Variants in IGBP1 observed in about 807,000 individuals in gnomAD.
IGBP1 encodes the protein immunoglobulin binding protein 1.
IGBP1 carries 2 observed loss-of-function variants against 25.9 expected under a neutral mutation model. That is an observed-to-expected ratio of 0.08 (90% CI 0.03 to 0.24). The LOEUF is 0.24. Ranked by LOEUF, IGBP1 falls within the 10% of genes least tolerant of loss-of-function variation. The pLI is 1.00. For missense variants in IGBP1, 187 were observed against 260.4 expected (o/e 0.72, Z 1.94); for synonymous variants, 96 against 93.4 (o/e 1.03, Z -0.16).
chrX:70,144,588 G>A (rs1372167726), intron 3 of IGBP1, among the ~76,000 whole-genome samples: 1 of 106,606 alleles, frequency 9.4e-6, no homozygotes, highest in African/African-American at 3.4e-5. Context: ...CACTTGTTAG[G>A]TAAAAGGAAC....
At chrX:70,161,331 C>T (rs1225766188) in intron 6 of IGBP1, among the ~76,000 whole-genome samples, 3 of 111,634 alleles carry the variant, frequency 2.7e-5, no homozygotes, top group African/African-American at 9.8e-5. Flanking sequence ...CTGGCCAATT[C>T]GGTTTCACAG....
intron 4 of IGBP1, among the ~76,000 whole-genome samples, chrX:70,147,321 G>T (rs1458198635): frequency 9.0e-6 from 1 of 110,774 alleles, no homozygotes; most frequent in African/African-American, 3.3e-5. Flanking sequence ...TACTCGGGAG[G>T]CTGAGGCAGG....
rs766095856 is a variant in IGBP1, at chrX:70,166,270, G to A, written c.*289G>A. 37 of 235,279 alleles carry A rather than the reference G, an allele frequency of 1.6e-4. No individual in the cohort carries two copies. Among genetic ancestry groups the A allele is most frequent in the African/African-American group, 7.7e-4 (27 of 35,176 alleles). 19.4% of individuals were successfully genotyped at this position (235,279 alleles called of 1,213,427 possible). A position where few individuals can be genotyped will look rare whatever the true frequency, so the allele number is the denominator to read the frequency against. On this transcript the variant is annotated 3_prime_UTR_variant, in exon 7 of 7. Transcript: ENST00000356413. ...GGCTCTGTATAATCTATGGCTATCC[G>A]AATTCTCTGAAAAAATAATAAAAGT... is the stretch of plus-strand genomic sequence containing the variant.
chrX:70,158,341 A>G (rs779725638), intron 6 of IGBP1, among the ~76,000 whole-genome samples: 24 of 111,970 alleles, frequency 2.1e-4, no homozygotes, highest in Middle Eastern at 4.6e-3. Context: ...AGAAAAAGAA[A>G]GAAAAGGTCC....
intron 3 of IGBP1, among the ~76,000 whole-genome samples, chrX:70,139,772 A>G (rs1341471767): frequency 9.0e-6 from 1 of 111,308 alleles, no homozygotes; most frequent in Non-Finnish European, 1.9e-5. Context: ...CTCCATCTCC[A>G]CTATCATACC....
chrX:70,151,286 T>C (rs2085201365), intron 6 of IGBP1, among the ~76,000 whole-genome samples: 1 of 111,115 alleles, frequency 9.0e-6, no homozygotes, highest in African/African-American at 3.3e-5. Flanking sequence ...AGATGGAATA[T>C]CTTAGTCCCT....
chrX:70,145,615 A>T (rs1424151188), intron 3 of IGBP1, among the ~76,000 whole-genome samples: 2 of 111,871 alleles, frequency 1.8e-5, no homozygotes, highest in African/African-American at 6.5e-5. Flanking sequence ...GGTTCTACAC[A>T]TTATGGCCCT....
chrX:70,142,916 G>GTTTTTT (rs772662468), intron 3 of IGBP1, among the ~76,000 whole-genome samples: 2 of 49,045 alleles, frequency 4.1e-5, no homozygotes, highest in African/African-American at 6.4e-5. Context: ...TTATCGAGTT[G>GTTTTTT]TTTTTTTTTT....
At chrX:70,136,970 G>C (rs757827463) in intron 3 of IGBP1, among the ~76,000 whole-genome samples, 109 of 111,437 alleles carry the variant, frequency 9.8e-4, no homozygotes, top group Non-Finnish European at 1.7e-3. Context: ...GGCTCCCAAA[G>C]TGCTGGGATT....
chrX:70,157,933 C>A lies in IGBP1; in HGVS notation c.871+7611C>A, dbSNP rs1390953254. On this transcript the variant is annotated intron_variant, in intron 6 of 6. Coordinates refer to ENST00000356413, the MANE Select transcript of IGBP1 (RefSeq NM_001551.3). ...TTGCACTTCAGTGAATGTGAAAAAA[C>A]CCATGGACAATATTTATAATGAAAA... Among the ~76,000 whole-genome samples, 4 of 111,981 alleles carry A rather than the reference C, an allele frequency of 3.6e-5. No individual in the cohort carries two copies. The Admixed American group carries it at 3.8e-4, about 11-fold the overall frequency.
chrX:70,155,410 G>A (rs1246650833), intron 6 of IGBP1, among the ~76,000 whole-genome samples: 3 of 104,599 alleles, frequency 2.9e-5, no homozygotes, highest in Non-Finnish European at 5.8e-5. Flanking sequence ...CAGGAGAATC[G>A]CTTGAACCCA....
chrX:70,140,533 A>G (rs2085123117), intron 3 of IGBP1, among the ~76,000 whole-genome samples: 1 of 112,516 alleles, frequency 8.9e-6, no homozygotes, highest in African/African-American at 3.2e-5. Context: ...GCTATCAGAG[A>G]TACTACTTTT....
At chrX:70,145,806 T>C (rs1226599469) in intron 3 of IGBP1, among the ~76,000 whole-genome samples, 2 of 112,651 alleles carry the variant, frequency 1.8e-5, no homozygotes, top group African/African-American at 6.4e-5. Context: ...CTTTGTTCAC[T>C]GTCATCTCTT....
intron 6 of IGBP1, among the ~76,000 whole-genome samples, chrX:70,162,310 C>T (rs1376977192): frequency 8.9e-6 from 1 of 111,892 alleles, no homozygotes. Flanking sequence ...GGACATTCTA[C>T]AAAATACCTG....
intron 6 of IGBP1, among the ~76,000 whole-genome samples, chrX:70,159,817 G>C (rs760530724): frequency 9.0e-6 from 1 of 111,072 alleles, no homozygotes; most frequent in Non-Finnish European, 1.9e-5. Flanking sequence ...CTGGACCCTG[G>C]AAGCTCTATG....
chrX:70,150,267 G>A lies in IGBP1; in HGVS notation c.816G>A (p.Glu272=). 1 of 1,206,621 alleles carries A rather than the reference G, an allele frequency of 8.3e-7. No homozygotes were observed. The highest frequency in any genetic ancestry group is 1.8e-5 in the South Asian group (1 of 56,859). ...CTATGACGGTGAGTGACTGGTATGA[G>A]CAACATCGGAAATATGGAGCATTAC... ...LPTMTVSDWY[E]QHRKYGALPD... Residue 272 remains glutamate (E), a synonymous_variant, in exon 6 of 7, where the codon GAG becomes GAA. Coordinates refer to ENST00000356413, the MANE Select transcript of IGBP1 (RefSeq NM_001551.3).
intron 3 of IGBP1, among the ~76,000 whole-genome samples, chrX:70,139,340 A>T (rs2085116623): frequency 9.0e-6 from 1 of 110,996 alleles, no homozygotes; most frequent in Non-Finnish European, 1.9e-5. Context: ...AAAAGAAAAG[A>T]AAAAAGAAAA....
At chrX:70,137,969 C>CAAAAAAAAAAAAA (rs151148886) in intron 3 of IGBP1, among the ~76,000 whole-genome samples, 1 of 67,579 alleles carries the variant, frequency 1.5e-5, no homozygotes, top group Admixed American at 1.9e-4. Flanking sequence ...GCCATCTCTG[C>CAAAAAAAAAAAAA]AAAAAAAAAA....
intron 6 of IGBP1, among the ~76,000 whole-genome samples, chrX:70,160,566 G>A (rs189660659): frequency 8.9e-6 from 1 of 112,228 alleles, no homozygotes; most frequent in East Asian, 2.8e-4. Flanking sequence ...AGGAATTCAA[G>A]AAATATTGTT....
Sources: allele counts gnomAD v4.1 joint callset (sites outside exome capture counted in the v4.1 genomes callset), GRCh38; gene constraint gnomAD v4.1.1; transcripts MANE v1.5; gene names NCBI Gene and HGNC (gene_info 2026-07-23, HGNC 2026-07-21).